TMEFF1: variants seen among roughly 807,000 people sequenced by gnomAD.
The protein encoded by TMEFF1 is transmembrane protein with EGF like and two follistatin like domains 1, also known as tomoregulin-1.
In TMEFF1, 20 loss-of-function variants were observed where a neutral mutation model predicts 47.5. That is an observed-to-expected ratio of 0.42 (90% CI 0.30 to 0.61). The LOEUF is 0.61. Among genes scored for constraint, TMEFF1 ranks in the 20% least tolerant of loss-of-function variants. TMEFF1 has a pLI of 0.19. For synonymous variants in TMEFF1, 162 were observed against 166.3 expected (o/e 0.97, Z 0.20); for missense variants, 411 against 471.1 (o/e 0.87, Z 1.18).
intron 2 of TMEFF1, among the ~76,000 whole-genome samples, chr9:100,505,136 G>A (rs563565585): frequency 1.6e-4 from 24 of 152,018 alleles, no homozygotes; most frequent in East Asian, 5.8e-4. Context: ...AAAGCAGGTC[G>A]GGCGCGGTGG....
intron 7 of TMEFF1, 139 bp from the exon 8 acceptor site, chr9:100,561,258 A>G: frequency 1.4e-6 from 2 of 1,429,704 alleles, no homozygotes; most frequent in East Asian, 2.3e-5. Context: ...CTAACCCCCT[A>G]TCTGATAAAT....
intron 9 of TMEFF1, among the ~76,000 whole-genome samples, chr9:100,574,006 T>G (rs892933360): frequency 2.0e-5 from 3 of 152,112 alleles, no homozygotes; most frequent in Non-Finnish European, 4.4e-5. Context: ...GTTAAGTAAT[T>G]TGTCTGTGGT....
chr9:100,482,984 T>C (rs1024112878), intron 1 of TMEFF1, among the ~76,000 whole-genome samples: 1 of 152,208 alleles, frequency 6.6e-6, no homozygotes, highest in African/African-American at 2.4e-5. Flanking sequence ...GTCTATTTTT[T>C]TTTCTTAATT....
chr9:100,529,651 T>C (rs933461866), intron 5 of TMEFF1, among the ~76,000 whole-genome samples: 2 of 152,124 alleles, frequency 1.3e-5, no homozygotes, highest in African/African-American at 2.4e-5. Flanking sequence ...TGGGAGACTT[T>C]TAACACCCCA....
intron 1 of TMEFF1, among the ~76,000 whole-genome samples, chr9:100,489,125 A>G (rs1837504050): frequency 6.6e-6 from 1 of 152,086 alleles, no homozygotes. Flanking sequence ...CTGTGGATTT[A>G]TTTATTTTGG....
chr9:100,495,550 C>T lies in TMEFF1; in HGVS notation c.197-3215C>T, dbSNP rs1161019417. ...GTTGCATATATTAGCAAGATCATCC[C>T]GTTACATTTTTTTCCTGTGTGTCCA... is the stretch of plus-strand genomic sequence containing the variant. On this transcript the variant is annotated intron_variant, in intron 1 of 9. Coordinates refer to ENST00000374879, the MANE Select transcript of TMEFF1 (RefSeq NM_003692.5). 3.3e-5 allele frequency among the ~76,000 whole-genome samples: 5 copies of T among 152,200 alleles called. No homozygotes were observed. The East Asian group carries it at 7.7e-4, about 23-fold the overall frequency.
chr9:100,571,313 A>G (rs1564030276), intron 8 of TMEFF1, among the ~76,000 whole-genome samples: 1 of 152,126 alleles, frequency 6.6e-6, no homozygotes, highest in Non-Finnish European at 1.5e-5. Context: ...TACCACATCT[A>G]ATTTATAATT....
chr9:100,509,367 T>C (rs1215798372), intron 3 of TMEFF1, among the ~76,000 whole-genome samples: 1 of 152,140 alleles, frequency 6.6e-6, no homozygotes, highest in Non-Finnish European at 1.5e-5. Context: ...TTAACACTCT[T>C]TTTATAGGGA....
At chr9:100,561,669 T>TG in intron 8 of TMEFF1, 149 bp downstream of exon 8, 1 of 1,285,810 alleles carries the variant, frequency 7.8e-7, no homozygotes, top group Non-Finnish European at 1.0e-6. Context: ...CAGCATCATT[T>TG]GGAAAAAAAA....
rs1351800131 is a variant in TMEFF1 at position 100,577,222 on chromosome 9, T to C, written c.*622T>C. 1 of 152,618 alleles carries C rather than the reference T, an allele frequency of 6.6e-6. No individual in the cohort carries two copies. Among genetic ancestry groups the C allele is most frequent in the African/African-American group, 2.4e-5 (1 of 41,462 alleles). The allele number at this position is 152,618 out of a possible 1,614,324, so 9.5% of individuals were successfully genotyped here. On this transcript the variant is annotated 3_prime_UTR_variant, in exon 10 of 10. Transcript: ENST00000374879. Reference sequence around the variant, plus strand: ...GGAACAGATCAATGAAAAGTAGATATAGATATTGTGAAAATAGGCTGTTTA... The same window carrying C: ...GGAACAGATCAATGAAAAGTAGATACAGATATTGTGAAAATAGGCTGTTTA...
chr9:100,532,352 G>A (rs1405512575), intron 5 of TMEFF1, among the ~76,000 whole-genome samples: 2 of 151,014 alleles, frequency 1.3e-5, no homozygotes, highest in African/African-American at 2.4e-5. Context: ...TCTGACAAAG[G>A]GCTAATATCC....
At chr9:100,515,191 T>A (rs1298300482) in intron 4 of TMEFF1, among the ~76,000 whole-genome samples, 4 of 152,014 alleles carry the variant, frequency 2.6e-5, no homozygotes, top group African/African-American at 9.7e-5. Flanking sequence ...GGATGTAGGT[T>A]GACCATTTTT....
chr9:100,515,402 G>A (rs2118383149), intron 4 of TMEFF1, among the ~76,000 whole-genome samples: 1 of 152,216 alleles, frequency 6.6e-6, no homozygotes, highest in Middle Eastern at 3.4e-3. Flanking sequence ...TCTATTTAAG[G>A]ACAGGCAGAC....
At chr9:100,494,367 G>A (rs535630429) in intron 1 of TMEFF1, among the ~76,000 whole-genome samples, 9 of 152,172 alleles carry the variant, frequency 5.9e-5, no homozygotes, top group African/African-American at 2.2e-4. Context: ...TCATTCTATT[G>A]GAATTATGTT....
intron 2 of TMEFF1, among the ~76,000 whole-genome samples, chr9:100,508,656 G>A (rs1192551410): frequency 6.6e-6 from 1 of 151,166 alleles, no homozygotes; most frequent in Non-Finnish European, 1.5e-5. Flanking sequence ...GATTAGGTTT[G>A]AATGAATAAA....
At chr9:100,536,064 AAAAC>A (rs1159634541) in intron 5 of TMEFF1, among the ~76,000 whole-genome samples, 1 of 152,218 alleles carries the variant, frequency 6.6e-6, no homozygotes. Flanking sequence ...GATATATTAA[AAAAC>A]AATATCTTCT....
chr9:100,568,595 T>TCTTCCTTC (rs60796448), intron 8 of TMEFF1, among the ~76,000 whole-genome samples: 39 of 149,592 alleles, frequency 2.6e-4, no homozygotes, highest in South Asian at 6.4e-4. Context: ...TCCCTCCCTC[T>TCTTCCTTC]CTTCCTTCCT....
chr9:100,506,652 A>T (rs1365918489), intron 2 of TMEFF1, among the ~76,000 whole-genome samples: 1 of 151,554 alleles, frequency 6.6e-6, no homozygotes, highest in Non-Finnish European at 1.5e-5. Flanking sequence ...CTGTAGTCCC[A>T]GCTACTCGGG....
intron 4 of TMEFF1, among the ~76,000 whole-genome samples, chr9:100,513,951 A>G (rs186043026): frequency 1.1e-4 from 16 of 152,310 alleles, no homozygotes; most frequent in African/African-American, 3.9e-4. Flanking sequence ...TATATGAATT[A>G]TTTCTGTTGT....
Sources: allele counts gnomAD v4.1 joint callset (sites outside exome capture counted in the v4.1 genomes callset), GRCh38; gene constraint gnomAD v4.1.1; transcripts MANE v1.5; gene names NCBI Gene and HGNC (gene_info 2026-07-23, HGNC 2026-07-21).